The following RBFOX1 variants were observed in gnomAD, a reference collection of about 807,000 sequenced individuals.
RBFOX1 encodes RNA binding fox-1 homolog 1.
A neutral mutation model predicts 57.7 loss-of-function variants in RBFOX1; 8 were observed. The ratio of observed to expected loss-of-function variants is 0.14; its 90% confidence interval spans 0.08 to 0.25. The LOEUF (loss-of-function observed/expected upper bound fraction) is 0.25, where lower values mean the gene tolerates loss of function less well. RBFOX1 is among the 10% of genes least tolerant of loss of function. The pLI is 1.00. For synonymous variants in RBFOX1, 326 were observed against 222.4 expected (o/e 1.47, Z -4.15); for missense variants, 611 against 548.5 (o/e 1.11, Z -1.14).
chr16:7,000,396 C>G (rs568498004), intron 3 of RBFOX1, among the ~76,000 whole-genome samples: 2 of 152,136 alleles, frequency 1.3e-5, no homozygotes, highest in South Asian at 4.2e-4. Flanking sequence ...TCAGTGTTTG[C>G]AATCTATTTG....
chr16:7,186,913 T>C (rs9926378), intron 4 of RBFOX1, among the ~76,000 whole-genome samples: 53,347 of 148,924 alleles, frequency 0.36, 10,271 homozygotes, highest in Non-Finnish European at 0.44. Flanking sequence ...ATTTCAGCAC[T>C]TTGGGAAACT....
chr16:6,916,899 G>T (rs2073307144), intron 3 of RBFOX1, among the ~76,000 whole-genome samples: 1 of 152,136 alleles, frequency 6.6e-6, no homozygotes, highest in African/African-American at 2.4e-5. Context: ...GCCCAGGCTA[G>T]AGTGCAGTGA....
intron 3 of RBFOX1, among the ~76,000 whole-genome samples, chr16:6,741,497 G>C (rs1036851572): frequency 1.8e-4 from 27 of 151,804 alleles, no homozygotes; most frequent in Non-Finnish European, 3.5e-4. Context: ...AACCCTGTCT[G>C]TATTAAAAGT....
intron 4 of RBFOX1, among the ~76,000 whole-genome samples, chr16:7,399,766 C>T (rs1597454187): frequency 6.6e-6 from 1 of 152,170 alleles, no homozygotes. Flanking sequence ...TCTGCAAAGA[C>T]CCTCTTCCCA....
chr16:5,802,977 C>G (rs1372788011), intron 3 of RBFOX1, among the ~76,000 whole-genome samples: 1 of 152,176 alleles, frequency 6.6e-6, no homozygotes, highest in Non-Finnish European at 1.5e-5. Context: ...GACACAGCCC[C>G]TTGAGTTCTG....
intron 3 of RBFOX1, among the ~76,000 whole-genome samples, chr16:5,727,011 C>T (rs2052177407): frequency 1.3e-5 from 2 of 152,180 alleles, no homozygotes; most frequent in African/African-American, 4.8e-5. Context: ...GTAATCCCAG[C>T]ACTTTGGGAG....
chr16:6,869,641 C>A (rs143377091), intron 3 of RBFOX1, among the ~76,000 whole-genome samples: 12 of 152,264 alleles, frequency 7.9e-5, no homozygotes, highest in African/African-American at 2.6e-4. Context: ...TCAACTCTGA[C>A]GTGTTAGAAC....
intron 2 of RBFOX1, among the ~76,000 whole-genome samples, chr16:6,593,812 A>T (rs964585670): frequency 6.6e-6 from 1 of 152,206 alleles, no homozygotes; most frequent in East Asian, 1.9e-4. Flanking sequence ...CAGATTTTCA[A>T]TGAGGACTAC....
intron 2 of RBFOX1, among the ~76,000 whole-genome samples, chr16:5,523,530 C>CACCT (rs201465779): frequency 0.012 from 1,781 of 152,236 alleles, 21 homozygotes; most frequent in Middle Eastern, 0.078. Flanking sequence ...GCAGGAGGAT[C>CACCT]ACCTGAGCCC....
chr16:5,967,122 A>G (rs1215566913), intron 4 of RBFOX1, among the ~76,000 whole-genome samples: 1 of 151,950 alleles, frequency 6.6e-6, no homozygotes, highest in Non-Finnish European at 1.5e-5. Context: ...ACAACAGCAG[A>G]GTTGGGTAGT....
At chr16:6,433,410 G>C (rs2094149884) in intron 2 of RBFOX1, among the ~76,000 whole-genome samples, 1 of 152,176 alleles carries the variant, frequency 6.6e-6, no homozygotes, top group Non-Finnish European at 1.5e-5. Flanking sequence ...CTGCCCCTGG[G>C]TGTAGCCCAT....
intron 2 of RBFOX1, among the ~76,000 whole-genome samples, chr16:6,488,812 A>C (rs966435445): frequency 6.6e-6 from 1 of 152,210 alleles, no homozygotes; most frequent in African/African-American, 2.4e-5. Context: ...CCTGCAAAAC[A>C]AAAACAAATT....
intron 4 of RBFOX1, among the ~76,000 whole-genome samples, chr16:7,107,338 G>C (rs1367035823): frequency 2.0e-5 from 3 of 152,088 alleles, no homozygotes; most frequent in Admixed American, 2.0e-4. Flanking sequence ...CTCATCTAAT[G>C]CAGCATATTC....
intron 3 of RBFOX1, among the ~76,000 whole-genome samples, chr16:5,827,197 C>T (rs1437337588): frequency 1.3e-4 from 19 of 151,866 alleles, no homozygotes; most frequent in African/African-American, 3.6e-4. Flanking sequence ...GTCAAGAATT[C>T]GAGACCAGCC....
At chr16:6,052,699 G>C (rs754818301) in intron 1 of RBFOX1, among the ~76,000 whole-genome samples, 3 of 151,884 alleles carry the variant, frequency 2.0e-5, no homozygotes, top group African/African-American at 7.2e-5. Context: ...CAGGAGAATG[G>C]CGTGAACCCG....
Position 6,539,588 on chromosome 16 carries a change from G to A in RBFOX1, c.-63-115015G>A, listed in dbSNP as rs963954912. On this transcript the variant is annotated intron_variant, in intron 2 of 15. Transcript: ENST00000550418. ...TGAGGCAGGCAGATCACCTAAGGTC[G>A]GGAGTTCAAGACCAGCCTGCCCTAC... Among the ~76,000 whole-genome samples, 10 of 151,928 alleles carry A rather than the reference G, an allele frequency of 6.6e-5. No individual in the cohort carries two copies. In the East Asian group the frequency reaches 1.2e-3, roughly 18 times the overall value.
At chr16:7,475,016 C>G (rs1477232556) in intron 4 of RBFOX1, among the ~76,000 whole-genome samples, 1 of 152,174 alleles carries the variant, frequency 6.6e-6, no homozygotes, top group Admixed American at 6.5e-5. Flanking sequence ...TGGTTCCACA[C>G]AATCCAGCTG....
At chr16:6,877,126 A>T (rs1283401199) in intron 3 of RBFOX1, among the ~76,000 whole-genome samples, 1 of 152,202 alleles carries the variant, frequency 6.6e-6, no homozygotes, top group African/African-American at 2.4e-5. Context: ...GAGAAATAAC[A>T]CCAAACAACA....
chr16:7,446,092 G>A (rs2098805533), intron 4 of RBFOX1, among the ~76,000 whole-genome samples: 1 of 152,116 alleles, frequency 6.6e-6, no homozygotes. Context: ...TGGGTTAACT[G>A]GGACTTAACT....
Sources: gnomAD v4.1 joint callset for allele counts (sites outside exome capture counted in the v4.1 genomes callset) on GRCh38, gnomAD v4.1.1 for gene constraint, MANE v1.5 for transcripts, NCBI Gene and HGNC (gene_info 2026-07-23, HGNC 2026-07-21) for gene names.